GALNT13: variants seen among roughly 807,000 people sequenced by gnomAD.
GALNT13 encodes polypeptide N-acetylgalactosaminyltransferase 13.
In GALNT13, 28 loss-of-function variants were observed where a neutral mutation model predicts 64.2. That is an observed-to-expected ratio of 0.44 (90% CI 0.32 to 0.60). The LOEUF is 0.60. Among genes scored for constraint, GALNT13 ranks in the 20% least tolerant of loss-of-function variants. The probability of loss-of-function intolerance (pLI) is 0.05; values close to 1 mark genes in which losing one functional copy is unlikely to be tolerated. For synonymous variants in GALNT13, 214 were observed against 224.6 expected, an observed-to-expected ratio of 0.95 and a Z score of 0.42; for missense variants, 577 against 669.8, an observed-to-expected ratio of 0.86 and a Z score of 1.53.
the GALNT13 span, among the ~76,000 whole-genome samples, chr2:153,258,004 G>T: frequency 2.0e-5 from 3 of 152,096 alleles, no homozygotes; most frequent in South Asian, 4.1e-4. Flanking sequence ...AGGCCCAGGA[G>T]CCCCAAATTA....
At chr2:153,605,076 C>T in the GALNT13 span, among the ~76,000 whole-genome samples, 2 of 152,062 alleles carry the variant, frequency 1.3e-5, no homozygotes, top group African/African-American at 2.4e-5. Context: ...TGACAACTTT[C>T]TGACACTCCC....
the GALNT13 span, among the ~76,000 whole-genome samples, chr2:153,460,929 G>T: frequency 6.6e-6 from 1 of 152,050 alleles, no homozygotes; most frequent in South Asian, 2.1e-4. Context: ...AAATAAAGTT[G>T]CAGATTTCCA....
intron 2 of GALNT13, among the ~76,000 whole-genome samples, chr2:153,930,014 T>C (rs761236764): frequency 1.8e-4 from 28 of 152,120 alleles, no homozygotes; most frequent in Non-Finnish European, 3.1e-4. Flanking sequence ...GCCTCTGTTA[T>C]TTTTGAATTG....
chr2:154,073,358 C>G (rs1348711898), intron 3 of GALNT13, among the ~76,000 whole-genome samples: 1 of 151,916 alleles, frequency 6.6e-6, no homozygotes, highest in Non-Finnish European at 1.5e-5. Flanking sequence ...CAGACATTTT[C>G]TGTGAAAATA....
At chr2:153,426,162 C>G in the GALNT13 span, among the ~76,000 whole-genome samples, 1 of 151,808 alleles carries the variant, frequency 6.6e-6, no homozygotes, top group Admixed American at 6.6e-5. Context: ...CTCTTTTTAG[C>G]TCCATCTAGT....
chr2:154,003,999 A>G (rs920924455), intron 3 of GALNT13, among the ~76,000 whole-genome samples: 2 of 152,174 alleles, frequency 1.3e-5, no homozygotes, highest in Non-Finnish European at 2.9e-5. Context: ...ATAATTTTTT[A>G]TAGCAATGAA....
chr2:153,803,554 C>T, the GALNT13 span, among the ~76,000 whole-genome samples: 110 of 151,836 alleles, frequency 7.2e-4, no homozygotes, highest in African/African-American at 2.0e-3. Context: ...TAGCCGGGCG[C>T]TGTGGCGGGC....
intron 7 of GALNT13, among the ~76,000 whole-genome samples, chr2:154,255,881 G>A (rs551546063): frequency 6.6e-6 from 1 of 151,804 alleles, no homozygotes; most frequent in Non-Finnish European, 1.5e-5. Flanking sequence ...GCAAAACTCT[G>A]TCTCTACAAA....
the GALNT13 span, among the ~76,000 whole-genome samples, chr2:153,221,844 C>T: frequency 6.6e-6 from 1 of 152,182 alleles, no homozygotes; most frequent in African/African-American, 2.4e-5. Context: ...GCTGTGGGCA[C>T]CTGCATCTGG....
chr2:153,555,263 C>A, the GALNT13 span, among the ~76,000 whole-genome samples: 13 of 98,588 alleles, frequency 1.3e-4, 1 homozygote, highest in African/African-American at 5.5e-4. Context: ...GGCGCGATCT[C>A]GGCTCACTGC....
chr2:153,948,702 CA>C (rs1385556770), intron 3 of GALNT13, among the ~76,000 whole-genome samples: 2 of 152,042 alleles, frequency 1.3e-5, no homozygotes, highest in Non-Finnish European at 2.9e-5. Flanking sequence ...ATGTCCTTTG[CA>C]GGGACGTGGA....
chr2:154,310,941 C>CATATATATTAATAGAATATTCTAAGA (rs1559083368), intron 9 of GALNT13, among the ~76,000 whole-genome samples: 2 of 129,450 alleles, frequency 1.5e-5, no homozygotes, highest in African/African-American at 6.1e-5. Context: ...TATTATTATT[C>CATATATATTAATAGAATATTCTAAGA]ATATATATTC....
intron 3 of GALNT13, among the ~76,000 whole-genome samples, chr2:153,963,763 G>C (rs1283350412): frequency 6.7e-6 from 1 of 149,160 alleles, no homozygotes; most frequent in African/African-American, 2.5e-5. Flanking sequence ...GTGTGTGTGT[G>C]TGTGTGTGTG....
At chr2:153,498,298 A>G in the GALNT13 span, among the ~76,000 whole-genome samples, 10 of 152,244 alleles carry the variant, frequency 6.6e-5, no homozygotes, top group Non-Finnish European at 1.5e-5. Flanking sequence ...CGCCAGCTGG[A>G]AACCTCTGTG....
At chr2:153,634,412 T>C in the GALNT13 span, among the ~76,000 whole-genome samples, 2 of 152,060 alleles carry the variant, frequency 1.3e-5, no homozygotes, top group Admixed American at 6.6e-5. Context: ...ATAATTGTTC[T>C]TGATGACATC....
intron 1 of GALNT13, among the ~76,000 whole-genome samples, chr2:153,889,157 C>T (rs138670399): frequency 1.6e-4 from 24 of 152,042 alleles, no homozygotes; most frequent in South Asian, 4.1e-4. Flanking sequence ...TGGTCCTCCA[C>T]GATCTTGGCC....
At chr2:154,173,063 C>T (rs1457574806) in intron 4 of GALNT13, among the ~76,000 whole-genome samples, 1 of 152,000 alleles carries the variant, frequency 6.6e-6, no homozygotes, top group Non-Finnish European at 1.5e-5. Context: ...CATCACATTA[C>T]TTGACTTCAA....
chr2:153,255,369 A>C, the GALNT13 span, among the ~76,000 whole-genome samples: 2 of 137,382 alleles, frequency 1.5e-5, no homozygotes, highest in African/African-American at 2.9e-5. Context: ...GTGTCTCTGC[A>C]CGTGAGATGG....
At chr2:153,905,374 G>T (rs991730853) in intron 2 of GALNT13, among the ~76,000 whole-genome samples, 5 of 151,896 alleles carry the variant, frequency 3.3e-5, no homozygotes, top group African/African-American at 9.7e-5. Flanking sequence ...ATAGACTATG[G>T]TTTTTTCTAT....
Sources: gnomAD v4.1 joint callset for allele counts (sites outside exome capture counted in the v4.1 genomes callset) on GRCh38, gnomAD v4.1.1 for gene constraint, MANE v1.5 for transcripts, NCBI Gene and HGNC (gene_info 2026-07-23, HGNC 2026-07-21) for gene names.